Variants in CDC42EP4 observed in about 807,000 individuals in gnomAD.
The protein encoded by CDC42EP4 is CDC42 effector protein 4, also known as CDC42 effector protein (Rho GTPase binding) 4.
A neutral mutation model predicts 5.6 loss-of-function variants in CDC42EP4; 6 were observed. The ratio of observed to expected loss-of-function variants is 1.07; its 90% CI spans 0.59 to 2.12. The LOEUF (loss-of-function observed/expected upper bound fraction) is 2.12, where lower values mean the gene tolerates loss of function less well. Ranked by LOEUF, CDC42EP4 falls within the 30% of genes most tolerant of loss-of-function variation. The probability of loss-of-function intolerance (pLI) is 0.00; values close to 1 mark genes in which losing one functional copy is unlikely to be tolerated. For missense variants in CDC42EP4, 490 were observed against 508.6 expected (o/e 0.96, Z 0.35); for synonymous variants, 230 against 224.2 (o/e 1.03, Z -0.23).
intron 1 of CDC42EP4, among the ~76,000 whole-genome samples, chr17:73,292,634 TGAG>T (rs2062166908): frequency 6.6e-6 from 1 of 152,042 alleles, no homozygotes; most frequent in African/African-American, 2.4e-5. Flanking sequence ...AGGCCCCTCT[TGAG>T]GAAGGAGCAT....
Position 73,297,001 on chromosome 17 carries a change from A to AC in CDC42EP4, c.-112-10390_-112-10389insG, listed in dbSNP as rs1555741519. ...GTCTCAAAAAAAAAAAAAAAAAAAAAAAATACACAAGGCCAAGCGCCGTGG... is the reference window on the plus strand; with the variant it reads ...GTCTCAAAAAAAAAAAAAAAAAAAAACAAATACACAAGGCCAAGCGCCGTGG... On this transcript the variant is annotated intron_variant, in intron 1 of 1. Transcript: ENST00000335793. Among the ~76,000 whole-genome samples the AC allele has an allele frequency of 6.8e-4, 42 of 61,730 alleles. 10 individuals carry two copies. The highest frequency in any genetic ancestry group is 6.0e-4 in the Non-Finnish European group (18 of 30,034). 40.5% of individuals were successfully genotyped at this position (61,730 alleles called of 152,430 possible).
At chr17:73,297,356 C>A (rs1196691031) in intron 1 of CDC42EP4, among the ~76,000 whole-genome samples, 1 of 150,334 alleles carries the variant, frequency 6.7e-6, no homozygotes, top group African/African-American at 2.4e-5. Flanking sequence ...TGCCTGTAAT[C>A]CCAGCTACAC....
chr17:73,291,585 C>A (rs2062161493), intron 1 of CDC42EP4, among the ~76,000 whole-genome samples: 1 of 152,148 alleles, frequency 6.6e-6, no homozygotes, highest in Non-Finnish European at 1.5e-5. Context: ...GGCATTGTGG[C>A]TTTGGGCGGG....
chr17:73,286,642 T>A lies in CDC42EP4; in HGVS notation c.-112-30A>T. The A allele has an allele frequency of 1.6e-6, 1 of 642,190 alleles. No individual in the cohort carries two copies. Among genetic ancestry groups the A allele is most frequent in the Non-Finnish European group, 2.7e-6 (1 of 377,228 alleles). 39.8% of individuals were successfully genotyped at this position (642,190 alleles called of 1,614,324 possible). ...AAGCAGAGAATGAGAGGCAAAGGAT[T>A]AACGCGGGCTGGCCACACGGCACAA... On this transcript the variant is annotated intron_variant, in intron 1 of 1. Coordinates refer to ENST00000335793, the MANE Select transcript of CDC42EP4 (RefSeq NM_012121.5). The surrounding 1 kb of genome is among the most constrained non-coding windows in gnomAD (Gnocchi z 7.7).
At chr17:73,288,131 T>C (rs1160890480) in intron 1 of CDC42EP4, among the ~76,000 whole-genome samples, 2 of 152,106 alleles carry the variant, frequency 1.3e-5, no homozygotes, top group African/African-American at 4.8e-5. Context: ...CCAGGAAACC[T>C]TTAGCCACCA....
intron 1 of CDC42EP4, among the ~76,000 whole-genome samples, chr17:73,300,833 G>A (rs2145322230): frequency 6.6e-6 from 1 of 152,130 alleles, no homozygotes; most frequent in Non-Finnish European, 1.5e-5. Context: ...GATCACCTGA[G>A]GTCAGGTGTT....
chr17:73,288,805 C>G (rs954519438), intron 1 of CDC42EP4, among the ~76,000 whole-genome samples: 1 of 152,210 alleles, frequency 6.6e-6, no homozygotes, highest in Non-Finnish European at 1.5e-5. Flanking sequence ...CTTCCCCCAC[C>G]AGCAATGTCC....
intron 1 of CDC42EP4, among the ~76,000 whole-genome samples, chr17:73,303,353 C>CA (rs1164710318): frequency 4.7e-5 from 7 of 148,772 alleles, no homozygotes; most frequent in Non-Finnish European, 1.0e-4. Flanking sequence ...CAAAAACAAA[C>CA]AAACAAACAA....
At position 73,284,363 on chromosome 17, in the gene CDC42EP4, A is replaced by G. The variant is rs2062118060; in HGVS notation, c.*1067T>C. 6.6e-6 allele frequency: 1 copy of G among 152,224 alleles called. No homozygotes were observed. The highest frequency in any genetic ancestry group is 2.4e-5 in the African/African-American group (1 of 41,460). The allele number at this position is 152,224 out of a possible 1,614,324, so 9.4% of individuals were successfully genotyped here. Reference sequence around the variant, plus strand: ...TAGGAATGATATATTATTTAAAAAAAAAATCGTTCTCCAAAAATATTCTGC... The same window carrying G: ...TAGGAATGATATATTATTTAAAAAAGAAATCGTTCTCCAAAAATATTCTGC... On this transcript the variant is annotated 3_prime_UTR_variant, in exon 2 of 2. Transcript: ENST00000335793.
At position 73,300,126 on chromosome 17, in the gene CDC42EP4, C is replaced by T. The variant is rs112488649; in HGVS notation, c.-113+11767G>A. Among the ~76,000 whole-genome samples, 1,368 of 152,320 alleles carry T rather than the reference C, an allele frequency of 9.0e-3. 23 individuals carry two copies. Among genetic ancestry groups the T allele is most frequent in the African/African-American group, 0.031 (1,285 of 41,564 alleles). On this transcript the variant is annotated intron_variant, in intron 1 of 1. Transcript: ENST00000335793. ...GTGACCCAACACCACTTGCCCCACC[C>T]TCACTGCCCGCGTGCCAATCCATGC... is the stretch of plus-strand genomic sequence containing the variant.
chr17:73,299,990 C>T (rs755674249), intron 1 of CDC42EP4, among the ~76,000 whole-genome samples: 1 of 152,154 alleles, frequency 6.6e-6, no homozygotes, highest in Non-Finnish European at 1.5e-5. Flanking sequence ...CCGGCATAGT[C>T]AGGAGTAGAT....
Position 73,286,211 on chromosome 17 carries a change from C to T in CDC42EP4, c.290G>A (p.Arg97Gln), listed in dbSNP as rs192997713. 1.4e-4 allele frequency: 228 copies of T among 1,614,150 alleles called. 2 individuals carry two copies. In the Admixed American group the frequency reaches 3.5e-3, roughly 25 times the overall value. The change falls in exon 2 of 2, where the codon CGG (arginine) becomes CAG (glutamine). Residue 97 changes from arginine to glutamine, a missense_variant. Physicochemically the swap from Arg to Gln is conservative, Grantham distance 43 (BLOSUM62 1). Transcript: ENST00000335793. This position sits in a 1 kb window ranked among gnomAD's most constrained non-coding sequence, Gnocchi z 7.7. Reference protein sequence around the residue: ...KRSQSVTRGEREQRDMLGSLR... With the variant: ...KRSQSVTRGEQEQRDMLGSLR... ...GGAGCCCAGCATGTCACGCTGCTCC[C>T]GCTCCCCCCTGGTCACCGACTGTGA... is the stretch of plus-strand genomic sequence containing the variant.
Position 73,285,744 on chromosome 17 carries a change from G to C in CDC42EP4, c.757C>G (p.Pro253Ala), listed in dbSNP as rs1287676565. Residue 253 changes from proline to alanine, a missense_variant, in exon 2 of 2, where the codon CCC becomes GCC. Physicochemically the swap from Pro to Ala is conservative, Grantham distance 27. Transcript: ENST00000335793. The surrounding 1 kb of genome is among the most constrained non-coding windows in gnomAD (Gnocchi z 6.8). Reference protein sequence around the residue: ...EGAAGTITQAPPYAVAAPPLA... With the variant: ...EGAAGTITQAAPYAVAAPPLA... ...GGAGGGGCCGCCACGGCGTACGGGG[G>C]AGCCTGGGTGATGGTGCCAGCGGCG... 6.3e-7 allele frequency: 1 copy of C among 1,589,308 alleles called. No individual in the cohort carries two copies. Among genetic ancestry groups the C allele is most frequent in the Non-Finnish European group, 8.6e-7 (1 of 1,162,390 alleles).
Position 73,284,536 on chromosome 17 carries a change from C to T in CDC42EP4, c.*894G>A, listed in dbSNP as rs1013215461. The T allele has an allele frequency of 1.3e-5, 2 of 151,544 alleles. No individual in the cohort carries two copies. The highest frequency in any genetic ancestry group is 2.4e-5 in the African/African-American group (1 of 41,108). The allele number at this position is 151,544 out of a possible 1,614,324, so 9.4% of individuals were successfully genotyped here. On this transcript the variant is annotated 3_prime_UTR_variant, in exon 2 of 2. Transcript: ENST00000335793. ...CCACGGATGTCCCCAGACTCCAGTC[C>T]GCTAATCGCCACCAGACTCCAGTCC...
intron 1 of CDC42EP4, among the ~76,000 whole-genome samples, chr17:73,289,111 A>T (rs7359700): frequency 6.6e-6 from 1 of 152,090 alleles, no homozygotes; most frequent in South Asian, 2.1e-4. Context: ...AAAGGTCAGC[A>T]AACACTTTTT....
chr17:73,306,274 T>C (rs964288608), intron 1 of CDC42EP4, among the ~76,000 whole-genome samples: 1 of 151,192 alleles, frequency 6.6e-6, no homozygotes, highest in African/African-American at 2.4e-5. Context: ...AGCAGGAGGA[T>C]CGCTTGAGCC....
intron 1 of CDC42EP4, among the ~76,000 whole-genome samples, chr17:73,297,001 A>AAAAAAAAAAAAAAAAAAAACAAAAAAAC (rs547362762): frequency 1.6e-5 from 1 of 61,734 alleles, no homozygotes; most frequent in Non-Finnish European, 3.3e-5. Flanking sequence ...AAAAAAAAAA[A>AAAAAAAAAAAAAAAAAAAACAAAAAAAC]AAATACACAA....
chr17:73,287,930 AC>A (rs1568340463), intron 1 of CDC42EP4, among the ~76,000 whole-genome samples: 1 of 151,826 alleles, frequency 6.6e-6, no homozygotes, highest in African/African-American at 2.4e-5. Flanking sequence ...CTAAAACAAA[AC>A]CCATCCACAT....
chr17:73,287,271 G>A (rs377299028), intron 1 of CDC42EP4, among the ~76,000 whole-genome samples: 32 of 152,280 alleles, frequency 2.1e-4, no homozygotes, highest in African/African-American at 7.7e-4. Flanking sequence ...CCTTCGCTTG[G>A]TATCCCATAA....
Sources: gnomAD v4.1 joint callset for allele counts (sites outside exome capture counted in the v4.1 genomes callset) on GRCh38, gnomAD v4.1.1 for gene constraint, Gnocchi (gnomAD v3.1) non-coding constraint, MANE v1.5 for transcripts, NCBI Gene and HGNC (gene_info 2026-07-23, HGNC 2026-07-21) for gene names.